TBCEL: variants seen among roughly 807,000 people sequenced by gnomAD.
TBCEL encodes the protein tubulin folding cofactor E like.
A neutral mutation model predicts 44.2 loss-of-function variants in TBCEL; 15 were observed. That is an observed-to-expected ratio of 0.34 (90% CI 0.23 to 0.52). The LOEUF (loss-of-function observed/expected upper bound fraction) is 0.52, where lower values mean the gene tolerates loss of function less well. TBCEL is among the 20% of genes least tolerant of loss of function. The pLI, the probability that TBCEL is intolerant of heterozygous loss-of-function variation, is 0.95. For missense variants in TBCEL, 319 were observed against 506.3 expected (o/e 0.63, Z 3.55); for synonymous variants, 171 against 185.4 (o/e 0.92, Z 0.63).
intron 6 of TBCEL, chr11:121,057,630 C>G (rs534715687): frequency 2.2e-6 from 1 of 454,646 alleles, no homozygotes; most frequent in African/African-American, 2.0e-5. Context: ...TGTGTCTGCA[C>G]TGAACATGCA....
chr11:121,079,586 A>G (rs1489858157), intron 8 of TBCEL, among the ~76,000 whole-genome samples: 2 of 152,172 alleles, frequency 1.3e-5, no homozygotes, highest in Non-Finnish European at 2.9e-5. Flanking sequence ...TCCTACCTAT[A>G]AAATGTGATG....
rs999104816 is a variant in TBCEL at position 121,045,941 on chromosome 11, T to G, written c.133+118T>G. The G allele has an allele frequency of 3.5e-6, 4 of 1,141,250 alleles. No homozygotes were observed. The African/African-American group carries it at 6.4e-5, about 18-fold the overall frequency. The allele number at this position is 1,141,250 out of a possible 1,614,324, so 70.7% of individuals were successfully genotyped here. Reference sequence around the variant, plus strand: ...TTTTTAATTACAGTCAAATAGTCTTTCCCCCTTGTTATGATTTCAGTTTTC... The same window carrying G: ...TTTTTAATTACAGTCAAATAGTCTTGCCCCCTTGTTATGATTTCAGTTTTC... On this transcript the variant is annotated intron_variant, in intron 3 of 8. Transcript: ENST00000683345.
intron 8 of TBCEL, among the ~76,000 whole-genome samples, chr11:121,081,739 C>G (rs1946130071): frequency 6.6e-6 from 1 of 152,046 alleles, no homozygotes; most frequent in Admixed American, 6.6e-5. Flanking sequence ...ACTAATCTTT[C>G]CTGCTTAAAG....
intron 8 of TBCEL, among the ~76,000 whole-genome samples, chr11:121,073,054 T>C (rs990618523): frequency 6.6e-6 from 1 of 152,118 alleles, no homozygotes; most frequent in Non-Finnish European, 1.5e-5. Context: ...AATTACTTTA[T>C]ATTAAGTCTT....
chr11:121,076,306 C>A (rs1946031907), intron 8 of TBCEL, among the ~76,000 whole-genome samples: 2 of 151,934 alleles, frequency 1.3e-5, no homozygotes, highest in African/African-American at 4.8e-5. Flanking sequence ...GTCTTCCTGT[C>A]CATGAACCCA....
chr11:121,052,417 T>C (rs1447634337), intron 4 of TBCEL, among the ~76,000 whole-genome samples: 1 of 151,808 alleles, frequency 6.6e-6, no homozygotes. Flanking sequence ...AACTGAGATT[T>C]GGAAAGATTA....
chr11:121,050,191 A>G (rs992329443), intron 4 of TBCEL, among the ~76,000 whole-genome samples: 2 of 151,776 alleles, frequency 1.3e-5, no homozygotes, highest in African/African-American at 4.8e-5. Context: ...TGGCCAGGCT[A>G]CAAATGCTTC....
chr11:121,067,641 C>T (rs1017962976), intron 8 of TBCEL, among the ~76,000 whole-genome samples: 13 of 152,106 alleles, frequency 8.5e-5, no homozygotes, highest in African/African-American at 3.1e-4. Context: ...CTTTTAAAGC[C>T]GTCATCTGTG....
chr11:121,056,362 TA>T (rs1169421526), intron 6 of TBCEL, among the ~76,000 whole-genome samples: 6 of 151,850 alleles, frequency 4.0e-5, no homozygotes, highest in African/African-American at 1.4e-4. Context: ...TACTACAGTT[TA>T]TTTTATCTAC....
At chr11:121,024,444 G>C (rs941504149) in intron 1 of TBCEL, among the ~76,000 whole-genome samples, 153 bp downstream of exon 1, 3 of 152,100 alleles carry the variant, frequency 2.0e-5, no homozygotes, top group African/African-American at 7.2e-5. Flanking sequence ...TCGAGCAGCT[G>C]TGGGGATGGG....
At chr11:121,055,884 TC>T (rs1945610944) in intron 6 of TBCEL, among the ~76,000 whole-genome samples, 4 of 145,912 alleles carry the variant, frequency 2.7e-5, no homozygotes, top group African/African-American at 1.1e-4. Context: ...ATATACAACT[TC>T]CCCCACTGTC....
chr11:121,054,285 C>T (rs1027120677), intron 5 of TBCEL, among the ~76,000 whole-genome samples: 1 of 151,848 alleles, frequency 6.6e-6, no homozygotes, highest in Non-Finnish European at 1.5e-5. Flanking sequence ...GTTTCTTTGA[C>T]TGTCTAAATA....
At chr11:121,058,251 C>G in intron 6 of TBCEL, 94 bp from the exon 7 acceptor site, 2 of 1,390,620 alleles carry the variant, frequency 1.4e-6, no homozygotes, top group Non-Finnish European at 2.0e-6. Flanking sequence ...TTTAACATTT[C>G]AGAAGTTACT....
Position 121,069,957 on chromosome 11 carries a change from A to G in TBCEL, c.956+9872A>G, listed in dbSNP as rs73599410. On this transcript the variant is annotated intron_variant, in intron 8 of 8. Transcript: ENST00000683345. ...TTGAAAGGTTTCAAGTTGGGAAGTT[A>G]AGTGGAGAGATTTTGGTTTGTATAT... Among the ~76,000 whole-genome samples the G allele has an allele frequency of 8.3e-3, 1,263 of 152,296 alleles. 27 individuals are homozygous for G. The highest frequency in any genetic ancestry group is 0.028 in the African/African-American group (1,184 of 41,564).
At chr11:121,077,674 T>A (rs1946056587) in intron 8 of TBCEL, among the ~76,000 whole-genome samples, 1 of 152,010 alleles carries the variant, frequency 6.6e-6, no homozygotes, top group Non-Finnish European at 1.5e-5. Context: ...AATTTGCTCA[T>A]CTTTTTATAG....
At chr11:121,073,889 C>T (rs1193286382) in intron 8 of TBCEL, among the ~76,000 whole-genome samples, 3 of 151,592 alleles carry the variant, frequency 2.0e-5, no homozygotes, top group African/African-American at 7.3e-5. Context: ...TTTTGCATTC[C>T]TGGTATATTC....
At chr11:121,031,658 C>CT (rs1945146195) in intron 1 of TBCEL, among the ~76,000 whole-genome samples, 1 of 130,228 alleles carries the variant, frequency 7.7e-6, no homozygotes, top group African/African-American at 2.8e-5. Context: ...TTTCTTTTTT[C>CT]TTTCTTTTTT....
At position 121,047,535 on chromosome 11, in the gene TBCEL, C is replaced by T. The variant is rs1400297884; in HGVS notation, c.141C>T (p.Leu47=). 1.2e-6 allele frequency: 2 copies of T among 1,612,192 alleles called. No homozygotes were observed. The highest frequency in any genetic ancestry group is 4.5e-5 in the East Asian group (2 of 44,828). ...TPQGSPMKDR[L]NLPSVLVLNS... ...GTGTCTCTCATCATTCAGATCGCCTCAACCTCCCAAGTGTACTAGTGTTGA... is the reference window on the plus strand; with the variant it reads ...GTGTCTCTCATCATTCAGATCGCCTTAACCTCCCAAGTGTACTAGTGTTGA... The change falls in exon 4 of 9, where the codon CTC becomes CTT. Residue 47 remains leucine (L), a synonymous_variant. Transcript: ENST00000683345.
At chr11:121,057,411 A>T (rs1227244122) in intron 6 of TBCEL, 2 of 305,048 alleles carry the variant, frequency 6.6e-6, no homozygotes, top group East Asian at 1.8e-4. Flanking sequence ...CATAGCTATA[A>T]GAAGAGTTTC....
Sources: gnomAD v4.1 joint callset for allele counts (sites outside exome capture counted in the v4.1 genomes callset) on GRCh38, gnomAD v4.1.1 for gene constraint, MANE v1.5 for transcripts, NCBI Gene and HGNC (gene_info 2026-07-23, HGNC 2026-07-21) for gene names.